ZNF615: variants seen among roughly 807,000 people sequenced by gnomAD.
ZNF615 encodes zinc finger protein 615.
ZNF615 carries 15 observed loss-of-function variants against 15.3 expected under a neutral mutation model. That is an observed-to-expected ratio of 0.98 (90% CI 0.66 to 1.51). ZNF615 has a LOEUF of 1.51. Among genes scored for constraint, ZNF615 ranks in the 40% most tolerant of loss-of-function variants. The pLI, the probability that ZNF615 is intolerant of heterozygous loss-of-function variation, is 0.00. For synonymous variants in ZNF615, 268 were observed against 294.6 expected, an observed-to-expected ratio of 0.91 and a Z score of 0.92; for missense variants, 848 against 895.9, an observed-to-expected ratio of 0.95 and a Z score of 0.68.
chr19:52,006,394 G>T (rs1333432227), intron 2 of ZNF615, among the ~76,000 whole-genome samples: 1 of 152,150 alleles, frequency 6.6e-6, no homozygotes, highest in Non-Finnish European at 1.5e-5. Flanking sequence ...AACAAGTAAA[G>T]CGACACAAGT....
At chr19:52,002,851 G>A (rs1279866048) in intron 3 of ZNF615, among the ~76,000 whole-genome samples, 1 of 149,086 alleles carries the variant, frequency 6.7e-6, no homozygotes, top group Non-Finnish European at 1.5e-5. Context: ...TTTTGAGATG[G>A]AGTCTTGCTC....
intron 6 of ZNF615, 192 bp downstream of exon 6, chr19:52,000,154 T>C: frequency 2.5e-6 from 1 of 401,252 alleles, no homozygotes; most frequent in Non-Finnish European, 4.4e-6. Flanking sequence ...TTCTCACTTG[T>C]AGGCAAGAGC....
In ZNF615 at chr19:51,994,286, C is replaced by T. The variant is rs2086351687; in HGVS notation, c.823G>A (p.Glu275Lys). 6.8e-6 allele frequency: 11 copies of T among 1,614,142 alleles called. No homozygotes were observed. The East Asian group carries it at 2.5e-4, about 36-fold the overall frequency. ...TTCTTGAGGAAGGTTTTGTCACATT[C>T]AGTGCATTCATAATGTTTCAGTTCT... ...HTELKHYECT[E>K]CDKTFLKKSQ... Residue 275 changes from glutamate to lysine, a missense_variant, in exon 7 of 7, where the codon GAA becomes AAA. Coordinates refer to ENST00000598071, the MANE Select transcript of ZNF615 (RefSeq NM_001199324.2).
chr19:52,006,929 G>A (rs1168103152), intron 2 of ZNF615, among the ~76,000 whole-genome samples: 1 of 152,048 alleles, frequency 6.6e-6, no homozygotes, highest in Non-Finnish European at 1.5e-5. Context: ...GGAAAGGGGA[G>A]TCAGAAAGCA....
In ZNF615 at chr19:52,003,798, T is replaced by G; in HGVS notation, c.-87A>C. 2 of 1,585,846 alleles carry G rather than the reference T, an allele frequency of 1.3e-6. No homozygotes were observed. The highest frequency in any genetic ancestry group is 1.7e-6 in the Non-Finnish European group (2 of 1,168,192). On this transcript the variant is annotated 5_prime_UTR_variant, in exon 3 of 7. Coordinates refer to ENST00000598071, the MANE Select transcript of ZNF615 (RefSeq NM_001199324.2). ...CAGCTCTAAATTTCGGTTCAAAAAC[T>G]TCAATCTCCAATCAAGGATGTCCCC...
rs771312891 is a variant in ZNF615 at position 51,993,500 on chromosome 19, G to A, written c.1609C>T (p.Arg537Trp). ...TGAGTTCGTTGATGTCCCATTAGCC[G>A]GATCTTTGCTGGAAAGCCTTTTCCA... ...ECGKGFPAKI[R>W]LMGHQRTHTG... The change falls in exon 7 of 7, where the codon CGG becomes TGG. Residue 537 changes from arginine (R) to tryptophan (W), a missense_variant. Arg to Trp is a moderately radical substitution (Grantham distance 101, BLOSUM62 -3). Transcript: ENST00000598071. 109 of 1,609,698 alleles carry A rather than the reference G, an allele frequency of 6.8e-5. No individual in the cohort carries two copies. Among genetic ancestry groups the A allele is most frequent in the Admixed American group, 1.8e-4 (11 of 59,650 alleles).
rs760092804 is a variant in ZNF615, at chr19:52,002,286, A to G, written c.16-5T>C. ...ATCCTCCAGTGTTAGGGATTCCTGT[A>G]ATAACACACTTCTGTTTAATGAAGT... On this transcript the variant is annotated splice_region_variant and splice_polypyrimidine_tract_variant and intron_variant, in intron 3 of 6. Transcript: ENST00000598071. 6.2e-7 allele frequency: 1 copy of G among 1,614,122 alleles called. No homozygotes were observed. The highest frequency in any genetic ancestry group is 2.2e-5 in the East Asian group (1 of 44,884).
At position 51,992,725 on chromosome 19, in the gene ZNF615, A is replaced by G. The variant is rs1172070865; in HGVS notation, c.*155T>C. 5 of 955,000 alleles carry G rather than the reference A, an allele frequency of 5.2e-6. No individual in the cohort carries two copies. In the East Asian group the frequency reaches 9.7e-5, roughly 18 times the overall value. 59.2% of individuals were successfully genotyped at this position (955,000 alleles called of 1,614,324 possible). The stretch of plus-strand genomic sequence containing the variant: ...CAATTTTTAGACATAATGTCCTAAA[A>G]TATTTTCTCAAATGTTTTGTACATG... On this transcript the variant is annotated 3_prime_UTR_variant, in exon 7 of 7. Transcript: ENST00000598071.
At chr19:52,008,084 C>A (rs973948534) in intron 1 of ZNF615, 57 bp downstream of exon 1, 55 of 1,497,324 alleles carry the variant, frequency 3.7e-5, no homozygotes, top group Non-Finnish European at 4.9e-5. Flanking sequence ...ACACGCCCAG[C>A]CACGGACAGA....
In ZNF615 at chr19:51,996,385, C is replaced by CAAAAAAAAA. The variant is rs1172310589; in HGVS notation, c.272-1557_272-1549dup. Among the ~76,000 whole-genome samples the CAAAAAAAAA allele has an allele frequency of 8.1e-4, 27 of 33,298 alleles. 1 individual carries two copies. Among genetic ancestry groups the CAAAAAAAAA allele is most frequent in the African/African-American group, 2.4e-3 (20 of 8,354 alleles). The allele number at this position is 33,298 out of a possible 152,430, so 21.8% of individuals were successfully genotyped here. A position where few individuals can be genotyped will look rare whatever the true frequency, so the allele number is the denominator to read the frequency against. On this transcript the variant is annotated intron_variant, in intron 6 of 6. Coordinates refer to ENST00000598071, the MANE Select transcript of ZNF615 (RefSeq NM_001199324.2). The stretch of plus-strand genomic sequence containing the variant: ...GGGGTGACACAGCAAGACTCTGTCT[C>CAAAAAAAAA]AAAAAAAAAAAAAAAAAAAAAAACG...
chr19:52,007,458 C>T, intron 1 of ZNF615, 128 bp from the exon 2 acceptor site: 1 of 447,772 alleles, frequency 2.2e-6, no homozygotes, highest in Non-Finnish European at 3.7e-6. Flanking sequence ...ACTTCCATTT[C>T]TGAGGATTCA....
At chr19:52,006,237 G>A (rs904392680) in intron 2 of ZNF615, among the ~76,000 whole-genome samples, 7 of 152,094 alleles carry the variant, frequency 4.6e-5, no homozygotes, top group Non-Finnish European at 5.9e-5. Context: ...GGCTTTAAAT[G>A]TTTTCATTAA....
rs2086300293 is a variant in ZNF615 at position 51,993,405 on chromosome 19, T to G, written c.1704A>C (p.Val568=). The G allele has an allele frequency of 1.9e-6, 3 of 1,613,998 alleles. No homozygotes were observed. The Admixed American group carries it at 5.0e-5, about 27-fold the overall frequency. Residue 568 remains valine, a synonymous_variant, in exon 7 of 7, where the codon GTA becomes GTC. Coordinates refer to ENST00000598071, the MANE Select transcript of ZNF615 (RefSeq NM_001199324.2). The stretch of plus-strand genomic sequence containing the variant: ...TCTCTCCTGTATGAGTGCGCCGATG[T>G]ACATTGAGATGACTCTTCTCAGTGA... ...KGFTEKSHLN[V]HRRTHTGEKP... is the part of the protein sequence containing the mutation.
At chr19:52,004,443 G>A (rs2086690976) in intron 2 of ZNF615, 1 of 151,666 alleles carries the variant, frequency 6.6e-6, no homozygotes, top group African/African-American at 2.4e-5. Context: ...GAGTGAGTAA[G>A]ACTCCAGTGG....
Position 51,991,371 on chromosome 19 carries a change from T to TA in ZNF615, c.*1508dup, listed in dbSNP as rs1305239847. ...TTCATAGGATTTTTATTTGTAACAGTAAGAAAAACCGGGAACAAAACTAAT... is the reference window on the plus strand; with the variant it reads ...TTCATAGGATTTTTATTTGTAACAGTAAAGAAAAACCGGGAACAAAACTAAT... On this transcript the variant is annotated 3_prime_UTR_variant, in exon 7 of 7. Transcript: ENST00000598071. 1 of 152,150 alleles carries TA rather than the reference T, an allele frequency of 6.6e-6. No homozygotes were observed. Among genetic ancestry groups the TA allele is most frequent in the East Asian group, 1.9e-4 (1 of 5,198 alleles). 9.4% of individuals were successfully genotyped at this position (152,150 alleles called of 1,614,324 possible).
Position 51,992,769 on chromosome 19 carries a change from A to T in ZNF615, c.*111T>A. 8.0e-7 allele frequency: 1 copy of T among 1,246,504 alleles called. No individual in the cohort carries two copies. Among genetic ancestry groups the T allele is most frequent in the East Asian group, 2.3e-5 (1 of 42,618 alleles). 77.2% of individuals were successfully genotyped at this position (1,246,504 alleles called of 1,614,324 possible). A position where few individuals can be genotyped will look rare whatever the true frequency, so the allele number is the denominator to read the frequency against. On this transcript the variant is annotated 3_prime_UTR_variant, in exon 7 of 7. Transcript: ENST00000598071. ...GTACATGTTTTCTCTGACACAAAAC[A>T]TGAAGTAACTGATCACTAAATAAAC...
Position 52,008,171 on chromosome 19 carries a change from C to T in ZNF615, c.-258G>A. Reference sequence around the variant, plus strand: ...AGAACTTGGTGGGCTCCGGCCTCATCTCTCGGCCTCCTCAGTGCCTGACGG... The same window carrying T: ...AGAACTTGGTGGGCTCCGGCCTCATTTCTCGGCCTCCTCAGTGCCTGACGG... On this transcript the variant is annotated 5_prime_UTR_variant, in exon 1 of 7. Coordinates refer to ENST00000598071, the MANE Select transcript of ZNF615 (RefSeq NM_001199324.2). 6.5e-7 allele frequency: 1 copy of T among 1,535,588 alleles called. No individual in the cohort carries two copies. The highest frequency in any genetic ancestry group is 8.7e-7 in the Non-Finnish European group (1 of 1,146,794).
rs144376872 is a variant in ZNF615 at position 51,993,989 on chromosome 19, G to A, written c.1120C>T (p.His374Tyr). Residue 374 changes from histidine to tyrosine, a missense_variant, in exon 7 of 7, where the codon CAT becomes TAT. By Grantham distance (83) the His-to-Tyr change is moderately conservative. Coordinates refer to ENST00000598071, the MANE Select transcript of ZNF615 (RefSeq NM_001199324.2). The part of the protein sequence containing the change: ...FIEKRRLTAH[H>Y]RTHTGEKPFI... ...GGTTTCTCACCAGTATGAGTTCGAT[G>A]ATGTGCAGTAAGACGCCTCTTCTCA... 13 of 1,612,156 alleles carry A rather than the reference G, an allele frequency of 8.1e-6. No homozygotes were observed. In the African/African-American group the frequency reaches 1.7e-4, roughly 22 times the overall value.
intron 3 of ZNF615, 59 bp from the exon 4 acceptor site, chr19:52,002,340 G>A: frequency 6.2e-7 from 1 of 1,610,850 alleles, no homozygotes; most frequent in Non-Finnish European, 8.5e-7. Flanking sequence ...GGAAAAGAAT[G>A]TCAAGGAAGT....
Sources: allele counts gnomAD v4.1 joint callset (sites outside exome capture counted in the v4.1 genomes callset), GRCh38; gene constraint gnomAD v4.1.1; transcripts MANE v1.5; gene names NCBI Gene and HGNC (gene_info 2026-07-23, HGNC 2026-07-21).